The following QTGAL variants were observed in gnomAD, a reference collection of about 807,000 sequenced individuals.
QTGAL encodes the protein queuosine-tRNA galactosyltransferase.
chr17:82,988,061 A>G, the QTGAL span, among the ~76,000 whole-genome samples: 126,176 of 152,136 alleles, frequency 0.83, 52,832 homozygotes, highest in African/African-American at 0.95. Context: ...TTCATGATTT[A>G]GCTCTCTGCT....
At chr17:82,984,608 C>A in the QTGAL span, among the ~76,000 whole-genome samples, 96 of 152,018 alleles carry the variant, frequency 6.3e-4, 6 homozygotes, top group African/African-American at 2.2e-3. Context: ...GGAAAGGGTG[C>A]CATCTGCAAG....
chr17:83,001,778 TTC>T, the QTGAL span, among the ~76,000 whole-genome samples: 4 of 152,206 alleles, frequency 2.6e-5, no homozygotes, highest in Admixed American at 6.5e-5. Flanking sequence ...AATAAAGTTT[TTC>T]TTTTTCTTTT....
the QTGAL span, among the ~76,000 whole-genome samples, chr17:83,022,357 G>T: frequency 1.6e-4 from 5 of 31,596 alleles, no homozygotes; most frequent in Admixed American, 3.2e-4. Flanking sequence ...GTGAACTCAC[G>T]TTAGCTTAGC....
the QTGAL span, among the ~76,000 whole-genome samples, chr17:82,983,047 G>T: frequency 6.6e-6 from 1 of 152,184 alleles, no homozygotes; most frequent in African/African-American, 2.4e-5. Flanking sequence ...TCGGGAGGCC[G>T]AGGCAGATGG....
the QTGAL span, among the ~76,000 whole-genome samples, chr17:83,029,006 A>G: frequency 3.9e-5 from 6 of 152,218 alleles, no homozygotes; most frequent in Non-Finnish European, 8.8e-5. Flanking sequence ...TCACGTACGC[A>G]TGAAATTCAA....
At chr17:83,042,037 T>C in the QTGAL span, among the ~76,000 whole-genome samples, 1 of 133,168 alleles carries the variant, frequency 7.5e-6, no homozygotes, top group African/African-American at 2.8e-5. Context: ...ATAGTACTAT[T>C]TTGGTTTGTA....
At chr17:83,047,065 C>A in the QTGAL span, among the ~76,000 whole-genome samples, 1 of 152,202 alleles carries the variant, frequency 6.6e-6, no homozygotes, top group South Asian at 2.1e-4. Flanking sequence ...GTTGGAAGAG[C>A]CTGCGTGCCA....
At chr17:83,005,060 TGGCGCCCAGA>T in the QTGAL span, 1 of 1,427,400 alleles carries the variant, frequency 7.0e-7, no homozygotes, top group East Asian at 2.3e-5. The surrounding 1 kb of genome is among the most constrained non-coding windows in gnomAD (Gnocchi z 5.6). Context: ...ATGCATGAGA[TGGCGCCCAGA>T]GGCGACCTGT....
At chr17:83,035,187 T>C in the QTGAL span, 1 of 1,215,610 alleles carries the variant, frequency 8.2e-7, no homozygotes, top group Non-Finnish European at 1.1e-6. Flanking sequence ...ATATTCTTTT[T>C]TTTTTTTTCG....
the QTGAL span, among the ~76,000 whole-genome samples, chr17:82,955,324 AAAG>A: frequency 6.6e-6 from 1 of 152,232 alleles, no homozygotes; most frequent in African/African-American, 2.4e-5. Context: ...ACACTTCTCA[AAAG>A]AAGACATGTG....
chr17:82,958,613 T>TG, the QTGAL span, among the ~76,000 whole-genome samples: 13 of 152,052 alleles, frequency 8.5e-5, no homozygotes. Context: ...ATGGGGGGGA[T>TG]GGGGGGACAC....
At chr17:82,945,915 G>A in the QTGAL span, 1 of 152,174 alleles carries the variant, frequency 6.6e-6, no homozygotes, top group Non-Finnish European at 1.5e-5. Context: ...TAAAAACATA[G>A]AAAGATGGCT....
chr17:83,049,412 G>GTTT, the QTGAL span, among the ~76,000 whole-genome samples: 5 of 136,786 alleles, frequency 3.7e-5, no homozygotes, highest in African/African-American at 2.7e-5. Flanking sequence ...TAACTGGTTG[G>GTTT]TTTTTTTTTT....
chr17:83,029,809 G>A, the QTGAL span, among the ~76,000 whole-genome samples: 1 of 152,152 alleles, frequency 6.6e-6, no homozygotes, highest in Non-Finnish European at 1.5e-5. Context: ...AGCACCGCTC[G>A]TGGCCCTCTC....
At chr17:82,970,678 C>T in the QTGAL span, among the ~76,000 whole-genome samples, 8 of 113,976 alleles carry the variant, frequency 7.0e-5, no homozygotes, top group Non-Finnish European at 1.3e-4. Flanking sequence ...CCAGCGTGGC[C>T]GTGATGCGAG....
At chr17:82,951,366 C>T in the QTGAL span, among the ~76,000 whole-genome samples, 1 of 152,218 alleles carries the variant, frequency 6.6e-6, no homozygotes, top group African/African-American at 2.4e-5. Context: ...CCAACCTCTG[C>T]TAGCTTCAAA....
chr17:83,013,940 T>C, the QTGAL span, among the ~76,000 whole-genome samples: 1 of 152,102 alleles, frequency 6.6e-6, no homozygotes, highest in African/African-American at 2.4e-5. Context: ...CTGGGCCATG[T>C]GTCCCCACCA....
At chr17:83,045,550 AC>A in the QTGAL span, among the ~76,000 whole-genome samples, 68 of 152,350 alleles carry the variant, frequency 4.5e-4, no homozygotes, top group African/African-American at 1.6e-3. Flanking sequence ...CCAAAAGCAC[AC>A]GCCACAAAAG....
At chr17:83,013,938 T>C in the QTGAL span, among the ~76,000 whole-genome samples, 6 of 152,028 alleles carry the variant, frequency 3.9e-5, no homozygotes, top group Non-Finnish European at 8.8e-5. Flanking sequence ...CCCTGGGCCA[T>C]GTGTCCCCAC....
Sources: allele counts gnomAD v4.1 joint callset (sites outside exome capture counted in the v4.1 genomes callset), GRCh38; gene constraint gnomAD v4.1.1; non-coding constraint Gnocchi (gnomAD v3.1); transcripts MANE v1.5; gene names NCBI Gene and HGNC (gene_info 2026-07-23, HGNC 2026-07-21).